Variants in PPL observed in about 807,000 individuals in gnomAD.
PPL encodes the protein periplakin, also known as 190 kDa paraneoplastic pemphigus antigen.
A neutral mutation model predicts 194.4 loss-of-function variants in PPL; 198 were observed. That is an observed-to-expected ratio of 1.02 (90% CI 0.91 to 1.15). The LOEUF (loss-of-function observed/expected upper bound fraction) is 1.15. PPL is among the 50% of genes most tolerant of loss of function. PPL has a pLI of 0.00. For missense variants in PPL, 2,885 were observed against 2,294.8 expected, an observed-to-expected ratio of 1.26 and a Z score of -5.25; for synonymous variants, 1,220 against 972.4, an observed-to-expected ratio of 1.25 and a Z score of -4.74.
At chr16:4,923,865 G>T (rs2089102796) in intron 1 of PPL, among the ~76,000 whole-genome samples, 3 of 152,028 alleles carry the variant, frequency 2.0e-5, no homozygotes, top group African/African-American at 7.2e-5. Flanking sequence ...CCGTGTCACT[G>T]GTGGGGGCCT....
Position 4,883,156 on chromosome 16 carries a change from G to A in PPL, c.*228C>T, listed in dbSNP as rs1168589044. 1.8e-6 allele frequency: 1 copy of A among 567,570 alleles called. No individual in the cohort carries two copies. Among genetic ancestry groups the A allele is most frequent in the African/African-American group, 1.9e-5 (1 of 53,248 alleles). The allele number at this position is 567,570 out of a possible 1,614,324, so 35.2% of individuals were successfully genotyped here. ...AAGGCATCGCAGTTGTCCAGTCATTGGAGGATGAAGTACGTCACTCAGGGT... is the reference window on the plus strand; with the variant it reads ...AAGGCATCGCAGTTGTCCAGTCATTAGAGGATGAAGTACGTCACTCAGGGT... On this transcript the variant is annotated 3_prime_UTR_variant, in exon 22 of 22. Transcript: ENST00000345988. This position sits in a 1 kb window ranked among gnomAD's most constrained non-coding sequence, Gnocchi z 4.8.
At chr16:4,890,584 A>G (rs1356980450) in intron 17 of PPL, 144 bp downstream of exon 17, 1 of 1,108,802 alleles carries the variant, frequency 9.0e-7, no homozygotes, top group Non-Finnish European at 1.3e-6. Flanking sequence ...CTCAAAAGAG[A>G]GACCACAGGG....
rs1169052477 is a variant in PPL at position 4,897,762 on chromosome 16, C to T, written c.885G>A (p.Met295Ile). The T allele has an allele frequency of 1.9e-5, 30 of 1,613,336 alleles. No individual in the cohort carries two copies. The highest frequency in any genetic ancestry group is 2.4e-5 in the Non-Finnish European group (28 of 1,179,664). The change falls in exon 9 of 22, where the codon ATG (methionine) becomes ATA (isoleucine). Residue 295 changes from methionine (M) to isoleucine (I), a missense_variant. Physicochemically the swap from Met to Ile is conservative, Grantham distance 10. Coordinates refer to ENST00000345988, the MANE Select transcript of PPL (RefSeq NM_002705.5). ...HPGRNSIEAH[M>I]EAVHADWKEY... ...CCTTCCAGTCTGCGTGCACAGCCTC[C>T]ATGTGCGCCTGCCAGGAAGAGAAGG...
Position 4,885,303 on chromosome 16 carries a change from G to A in PPL, c.3352C>T (p.Leu1118Phe). The stretch of plus-strand genomic sequence containing the variant: ...GTGGCCGCGTCCTTCTCCACCTTGA[G>A]CACCTCCTTGACGGTGATCTTGCCC... Reference protein sequence around the residue: ...AEGKITVKEVLKVEKDAATER... With the variant: ...AEGKITVKEVFKVEKDAATER... Residue 1118 changes from leucine to phenylalanine, a missense_variant, in exon 22 of 22, where the codon CTC (leucine) becomes TTC (phenylalanine). By Grantham distance (22) the Leu-to-Phe change is conservative. Coordinates refer to ENST00000345988, the MANE Select transcript of PPL (RefSeq NM_002705.5). This position sits in a 1 kb window ranked among gnomAD's most constrained non-coding sequence, Gnocchi z 6.3. The A allele has an allele frequency of 6.2e-7, 1 of 1,612,102 alleles. No individual in the cohort carries two copies. Among genetic ancestry groups the A allele is most frequent in the Non-Finnish European group, 8.5e-7 (1 of 1,179,932 alleles).
chr16:4,890,990 T>A, intron 16 of PPL, 69 bp from the exon 17 acceptor site: 1 of 1,362,482 alleles, frequency 7.3e-7, no homozygotes, highest in African/African-American at 1.5e-5. Flanking sequence ...TGACACCCAC[T>A]GAAGCCCCTG....
chr16:4,918,950 C>T (rs983399674), intron 1 of PPL, among the ~76,000 whole-genome samples: 18 of 152,160 alleles, frequency 1.2e-4, no homozygotes, highest in East Asian at 3.9e-4. Flanking sequence ...GGCAGCCAGA[C>T]GTGGCACCCC....
intron 1 of PPL, among the ~76,000 whole-genome samples, chr16:4,924,357 C>T (rs1388665144): frequency 6.6e-6 from 1 of 152,124 alleles, no homozygotes; most frequent in Admixed American, 6.5e-5. Flanking sequence ...GCCCATGTCA[C>T]GGGGCCAGTA....
intron 1 of PPL, among the ~76,000 whole-genome samples, chr16:4,936,546 C>T (rs1297990464): frequency 6.6e-6 from 1 of 152,222 alleles, no homozygotes; most frequent in Non-Finnish European, 1.5e-5. Flanking sequence ...GCCCCCTGGA[C>T]GGAGCTTCCT....
intron 1 of PPL, among the ~76,000 whole-genome samples, chr16:4,923,239 C>A (rs1015702206): frequency 8.5e-5 from 13 of 152,218 alleles, no homozygotes; most frequent in African/African-American, 3.1e-4. Context: ...CCTGCGCATC[C>A]TCCTCCATCT....
chr16:4,894,571 C>A lies in PPL; in HGVS notation c.1290G>T (p.Gly430=). The A allele has an allele frequency of 6.2e-7, 1 of 1,613,938 alleles. No individual in the cohort carries two copies. The highest frequency in any genetic ancestry group is 1.3e-5 in the African/African-American group (1 of 75,056). ...GYSYTLQKNN[G]ESWELMDSAG... is the part of the protein sequence containing the mutation. ...CGCTGTCCATGAGCTCCCAGCTCTCCCCGTTGTTCTTCTGCAGGGTGTAGC... is the reference window on the plus strand; with the variant it reads ...CGCTGTCCATGAGCTCCCAGCTCTCACCGTTGTTCTTCTGCAGGGTGTAGC... Residue 430 remains glycine (G), a synonymous_variant, in exon 12 of 22, where the codon GGG becomes GGT. Coordinates refer to ENST00000345988, the MANE Select transcript of PPL (RefSeq NM_002705.5).
intron 2 of PPL, 152 bp from the exon 3 acceptor site, chr16:4,904,192 G>A (rs2088636303): frequency 2.5e-6 from 2 of 804,796 alleles, no homozygotes; most frequent in African/African-American, 3.5e-5. Flanking sequence ...AGCGCAGTCG[G>A]TAGTTCCATC....
At chr16:4,912,601 G>T (rs1217783941) in intron 1 of PPL, among the ~76,000 whole-genome samples, 3 of 152,244 alleles carry the variant, frequency 2.0e-5, no homozygotes, top group African/African-American at 7.2e-5. Context: ...AGAGTTAAAT[G>T]TGTTTACAAA....
chr16:4,888,162 C>T lies in PPL; in HGVS notation c.2454G>A (p.Arg818=). The T allele has an allele frequency of 6.2e-7, 1 of 1,613,888 alleles. No individual in the cohort carries two copies. Among genetic ancestry groups the T allele is most frequent in the Admixed American group, 1.7e-5 (1 of 60,030 alleles). ...LRSLLDLENG[R]RSHVSKRARL... is the part of the protein sequence containing the mutation. ...TGGCTCTCTTGCTCACGTGGCTTCTCCTTCCATTCTCCAAGTCGAGAAGAG... is the reference window on the plus strand; with the variant it reads ...TGGCTCTCTTGCTCACGTGGCTTCTTCTTCCATTCTCCAAGTCGAGAAGAG... The change falls in exon 20 of 22, where the codon AGG becomes AGA. Residue 818 remains arginine, a synonymous_variant. Transcript: ENST00000345988.
rs7196611 is a variant in PPL at position 4,923,110 on chromosome 16, C to T, written c.63-12161G>A. Among the ~76,000 whole-genome samples, 996 of 152,222 alleles carry T rather than the reference C, an allele frequency of 6.5e-3. 5 individuals carry two copies. Among genetic ancestry groups the T allele is most frequent in the African/African-American group, 0.023 (943 of 41,520 alleles). On this transcript the variant is annotated intron_variant, in intron 1 of 21. Transcript: ENST00000345988. The stretch of plus-strand genomic sequence containing the variant: ...ACTGCTCTGAGAACGTTCTTCCGTC[C>T]GCATAAGGGAAACTGCAGAAGGGGA...
chr16:4,924,065 G>A (rs1193805838), intron 1 of PPL, among the ~76,000 whole-genome samples: 2 of 152,158 alleles, frequency 1.3e-5, no homozygotes, highest in Non-Finnish European at 2.9e-5. Context: ...CTCAACAGCT[G>A]GAAAACATTC....
chr16:4,908,422 T>TTGTCTCTCTCTCTC (rs796281911), intron 2 of PPL, among the ~76,000 whole-genome samples: 96 of 148,526 alleles, frequency 6.5e-4, no homozygotes, highest in African/African-American at 2.3e-3. Flanking sequence ...TCTTCCTTCT[T>TTGTCTCTCTCTCTC]TCTCTCTCTC....
intron 1 of PPL, among the ~76,000 whole-genome samples, chr16:4,930,034 G>A (rs1596591486): frequency 6.6e-6 from 1 of 152,076 alleles, no homozygotes; most frequent in African/African-American, 2.4e-5. Context: ...AAGAGTAAGT[G>A]GAATTGCTCT....
intron 1 of PPL, among the ~76,000 whole-genome samples, chr16:4,935,190 TTCATCC>T (rs2089280718): frequency 1.3e-5 from 2 of 152,160 alleles, no homozygotes; most frequent in Non-Finnish European, 2.9e-5. Context: ...TGGGATGCCT[TTCATCC>T]TCATGCTTCT....
Position 4,885,489 on chromosome 16 carries a change from C to A in PPL, c.3166G>T (p.Glu1056Ter). The A allele has an allele frequency of 6.2e-7, 1 of 1,612,206 alleles. No homozygotes were observed. Among genetic ancestry groups the A allele is most frequent in the Non-Finnish European group, 8.5e-7 (1 of 1,179,980 alleles). ...SRAQEKVTEKEVVKLQNDPQL... is the reference protein window; with the variant it reads ...SRAQEKVTEK ...GGGTCATTCTGCAGTTTCACCACCT[C>A]TTTCTCTGTGACCTTCTCCTGCGCC... Residue 1056 changes from glutamate (E) to a stop codon, truncating the protein, a stop_gained, in exon 22 of 22, where the codon GAG becomes TAG. Coordinates refer to ENST00000345988, the MANE Select transcript of PPL (RefSeq NM_002705.5). LOFTEE classifies it high-confidence loss of function. This position sits in a 1 kb window ranked among gnomAD's most constrained non-coding sequence, Gnocchi z 6.3.
Sources: allele counts gnomAD v4.1 joint callset (sites outside exome capture counted in the v4.1 genomes callset), GRCh38; gene constraint gnomAD v4.1.1; non-coding constraint Gnocchi (gnomAD v3.1); transcripts MANE v1.5; gene names NCBI Gene and HGNC (gene_info 2026-07-23, HGNC 2026-07-21).